PDIA6: variants seen among roughly 807,000 people sequenced by gnomAD.
The protein encoded by PDIA6 is protein disulfide isomerase family A member 6.
In PDIA6, 29 loss-of-function variants were observed where a neutral mutation model predicts 58.4. The ratio of observed to expected loss-of-function variants is 0.50; its 90% CI spans 0.37 to 0.68. PDIA6 has a LOEUF of 0.68. Among genes scored for constraint, PDIA6 ranks in the 30% least tolerant of loss-of-function variants. The pLI, the probability that PDIA6 is intolerant of heterozygous loss-of-function variation, is 0.00. For synonymous variants in PDIA6, 192 were observed against 202.6 expected (o/e 0.95, Z 0.44); for missense variants, 480 against 551.0 (o/e 0.87, Z 1.29).
intron 10 of PDIA6, among the ~76,000 whole-genome samples, chr2:10,787,770 T>C (rs1558438369): frequency 2.0e-5 from 3 of 151,850 alleles, no homozygotes; most frequent in African/African-American, 7.3e-5. Context: ...AGCAAAAAGA[T>C]AAATAGGAAG....
intron 1 of PDIA6, chr2:10,823,000 A>G (rs1159231858): frequency 6.6e-6 from 1 of 152,200 alleles, no homozygotes; most frequent in South Asian, 2.1e-4. Context: ...TCTGGGGCCA[A>G]TCTTAGAGTA....
intron 1 of PDIA6, among the ~76,000 whole-genome samples, chr2:10,811,622 C>T (rs1667001476): frequency 6.6e-6 from 1 of 152,214 alleles, no homozygotes; most frequent in African/African-American, 2.4e-5. Context: ...AAGTAACTTG[C>T]TCCAAGTCAC....
chr2:10,817,317 T>C (rs545939318), upstream of PDIA6, among the ~76,000 whole-genome samples: 1 of 152,296 alleles, frequency 6.6e-6, no homozygotes, highest in South Asian at 2.1e-4. Flanking sequence ...ACACGGCAGG[T>C]AGAACTATGG....
Position 10,812,722 on chromosome 2 carries a change from C to A in PDIA6, c.-26G>T. The A allele has an allele frequency of 6.7e-7, 1 of 1,501,662 alleles. No homozygotes were observed. Among genetic ancestry groups the A allele is most frequent in the East Asian group, 2.9e-5 (1 of 35,046 alleles). The allele number at this position is 1,501,662 out of a possible 1,614,324, so 93.0% of individuals were successfully genotyped here. Reference sequence around the variant, plus strand: ...GCCGAGCGCCGGGCTACGTGCAGTCCCCACCGCCGCCGCCGCTTCAGCCCT... The same window carrying A: ...GCCGAGCGCCGGGCTACGTGCAGTCACCACCGCCGCCGCCGCTTCAGCCCT... On this transcript the variant is annotated 5_prime_UTR_variant, in exon 1 of 13. Coordinates refer to ENST00000272227, the MANE Select transcript of PDIA6 (RefSeq NM_005742.4).
rs374526411 is a variant in PDIA6 at position 10,797,042 on chromosome 2, G to A, written c.346+39C>T. 4 of 1,595,022 alleles carry A rather than the reference G, an allele frequency of 2.5e-6. No homozygotes were observed. The African/African-American group carries it at 5.4e-5, about 21-fold the overall frequency. On this transcript the variant is annotated intron_variant, in intron 4 of 12. Coordinates refer to ENST00000272227, the MANE Select transcript of PDIA6 (RefSeq NM_005742.4). ...GCTTGTTAAAGAACAGTAGGTTCTTGTCTACCAGGGGAATGAAGTAGCTAG... is the reference window on the plus strand; with the variant it reads ...GCTTGTTAAAGAACAGTAGGTTCTTATCTACCAGGGGAATGAAGTAGCTAG...
intron 1 of PDIA6, among the ~76,000 whole-genome samples, chr2:10,822,602 G>A (rs1192695743): frequency 2.0e-5 from 3 of 152,236 alleles, no homozygotes; most frequent in Admixed American, 2.0e-4. Flanking sequence ...ACAGGGATAA[G>A]TGGGCTCGTG....
At chr2:10,790,235 GTGT>G (rs57744918) in intron 7 of PDIA6, among the ~76,000 whole-genome samples, 4,424 of 152,198 alleles carry the variant, frequency 0.029, 239 homozygotes, top group African/African-American at 0.1. Context: ...GCCTCCCAAA[GTGT>G]TGGGATTACA....
intron 4 of PDIA6, 83 bp from the exon 5 acceptor site, chr2:10,793,285 CCTCA>C: frequency 1.1e-6 from 1 of 874,302 alleles, no homozygotes. Flanking sequence ...TGTGTCTTTA[CCTCA>C]CTGTCGGCTT....
In PDIA6 at chr2:10,790,849, C is replaced by T. The variant is rs1004658621; in HGVS notation, c.585-16G>A. On this transcript the variant is annotated splice_polypyrimidine_tract_variant and intron_variant, in intron 6 of 12. Transcript: ENST00000272227. Reference sequence around the variant, plus strand: ...TGGCTCTAGGCTATAGAAAAATATTCGTTTTGTTTTGTTTCTTTGAGACAC... The same window carrying T: ...TGGCTCTAGGCTATAGAAAAATATTTGTTTTGTTTTGTTTCTTTGAGACAC... The T allele has an allele frequency of 3.8e-6, 6 of 1,592,964 alleles. No individual in the cohort carries two copies. The highest frequency in any genetic ancestry group is 3.3e-5 in the South Asian group (3 of 90,604).
chr2:10,789,300 G>A (rs111592626), intron 8 of PDIA6, among the ~76,000 whole-genome samples: 56 of 152,262 alleles, frequency 3.7e-4, no homozygotes, highest in Middle Eastern at 3.4e-3. Flanking sequence ...TGTATTATAT[G>A]TCTTATATGT....
rs201430548 is a variant in PDIA6 at position 10,790,353 on chromosome 2, CAG to C, written c.699+364_699+365del. 3.2e-3 allele frequency among the ~76,000 whole-genome samples: 487 copies of C among 152,306 alleles called. 9 individuals carry two copies. The highest frequency in any genetic ancestry group is 0.027 in the Admixed American group (416 of 15,296). ...TGACTCACAGAGGTCAATTATCAAT[CAG>C]GGAGTTTTAACAGTCTGTGAAGTTT... On this transcript the variant is annotated intron_variant, in intron 7 of 12. Transcript: ENST00000272227.
intron 5 of PDIA6, among the ~76,000 whole-genome samples, chr2:10,792,357 C>T (rs769972571): frequency 2.0e-5 from 3 of 152,026 alleles, no homozygotes; most frequent in South Asian, 2.1e-4. Context: ...TTTCTTTTTT[C>T]GAAGAATGTT....
intron 2 of PDIA6, among the ~76,000 whole-genome samples, chr2:10,798,405 T>TA (rs1170307825): frequency 6.6e-6 from 1 of 151,788 alleles, no homozygotes; most frequent in African/African-American, 2.4e-5. Flanking sequence ...CTGTCTCTAC[T>TA]AAAAATACAA....
chr2:10,819,325 A>G (rs1249361226), exon 2 of PDIA6: 2 of 1,539,460 alleles, frequency 1.3e-6, no homozygotes, highest in South Asian at 1.2e-5. Context: ...CTTTTCCTTG[A>G]TAGGGAGTGG....
intron 7 of PDIA6, among the ~76,000 whole-genome samples, 193 bp downstream of exon 7, chr2:10,790,526 T>C (rs1396048535): frequency 1.3e-5 from 2 of 152,214 alleles, no homozygotes; most frequent in African/African-American, 4.8e-5. Context: ...AGAAGCAGTG[T>C]GACATTAGGG....
At chr2:10,834,340 C>G (rs577517768), upstream of PDIA6, among the ~76,000 whole-genome samples, 30 of 152,400 alleles carry the variant, frequency 2.0e-4, no homozygotes, top group Non-Finnish European at 3.8e-4. Flanking sequence ...AAGACCCTCT[C>G]TGTGGAGAGG....
chr2:10,827,649 C>T (rs764951394), intron 1 of PDIA6, among the ~76,000 whole-genome samples: 4 of 151,762 alleles, frequency 2.6e-5, no homozygotes, highest in Non-Finnish European at 5.9e-5. Flanking sequence ...CATGGTGAAA[C>T]CTCGTCTCTA....
At chr2:10,828,504 G>A (rs573436057) in intron 1 of PDIA6, among the ~76,000 whole-genome samples, 4 of 152,302 alleles carry the variant, frequency 2.6e-5, no homozygotes, top group East Asian at 1.9e-4. Flanking sequence ...AGAGGAATGC[G>A]AGGGTCTGTC....
Position 10,791,737 on chromosome 2 carries a change from C to A in PDIA6, c.584+58G>T, listed in dbSNP as rs577195964. 10 of 1,506,790 alleles carry A rather than the reference C, an allele frequency of 6.6e-6. No homozygotes were observed. In the Admixed American group the frequency reaches 2.0e-4, roughly 30 times the overall value. 93.3% of individuals were successfully genotyped at this position (1,506,790 alleles called of 1,614,324 possible). On this transcript the variant is annotated intron_variant, in intron 6 of 12. Transcript: ENST00000272227. ...TCTACTTCAGCTCTTTCAAAATAAG[C>A]TAATGAATGTACTGAAAACACTGTG...
Sources: gnomAD v4.1 joint callset for allele counts (sites outside exome capture counted in the v4.1 genomes callset) on GRCh38, gnomAD v4.1.1 for gene constraint, MANE v1.5 for transcripts, NCBI Gene and HGNC (gene_info 2026-07-23, HGNC 2026-07-21) for gene names.